AUTS2: variants seen among roughly 807,000 people sequenced by gnomAD.
AUTS2 encodes the protein autism susceptibility gene 2 protein.
In AUTS2, 17 loss-of-function variants were observed where a neutral mutation model predicts 112.4. The ratio of observed to expected loss-of-function variants is 0.15; its 90% CI spans 0.10 to 0.23. AUTS2 has a LOEUF of 0.23. Ranked by LOEUF, AUTS2 falls within the 10% of genes least tolerant of loss-of-function variation. AUTS2 has a pLI of 1.00. For missense variants in AUTS2, 1,510 were observed against 1,701.6 expected (o/e 0.89, Z 1.98); for synonymous variants, 751 against 702.7 (o/e 1.07, Z -1.09).
intron 5 of AUTS2, among the ~76,000 whole-genome samples, chr7:70,601,887 A>G (rs916684695): frequency 2.6e-5 from 4 of 152,144 alleles, no homozygotes; most frequent in Non-Finnish European, 5.9e-5. Context: ...GTGTTTGTAA[A>G]GACTGATTAT....
intron 5 of AUTS2, among the ~76,000 whole-genome samples, chr7:70,576,207 A>C (rs1369982685): frequency 6.6e-6 from 1 of 152,152 alleles, no homozygotes; most frequent in Non-Finnish European, 1.5e-5. Flanking sequence ...AGTGAGCCTC[A>C]GTTTCCCCTC....
At chr7:69,930,519 C>CATTAGTTACTT (rs148584691) in intron 2 of AUTS2, among the ~76,000 whole-genome samples, 12,675 of 152,154 alleles carry the variant, frequency 0.083, 600 homozygotes, top group East Asian at 0.13. Context: ...AGATTACTGT[C>CATTAGTTACTT]ATTAGTTACT....
At chr7:70,606,599 G>A (rs748129677) in intron 5 of AUTS2, among the ~76,000 whole-genome samples, 3 of 152,112 alleles carry the variant, frequency 2.0e-5, no homozygotes, top group Non-Finnish European at 4.4e-5. Flanking sequence ...GGTGGCTCAC[G>A]CCTGTAATCT....
At chr7:70,117,117 G>GTTTTTTTTTTTTTTTTTTTTTTTT (rs60488343) in intron 2 of AUTS2, among the ~76,000 whole-genome samples, 1 of 73,098 alleles carries the variant, frequency 1.4e-5, no homozygotes, top group African/African-American at 5.8e-5. Context: ...TTTTTTTTTT[G>GTTTTTTTTTTTTTTTTTTTTTTTT]TTTTTTTTTG....
intron 5 of AUTS2, among the ~76,000 whole-genome samples, chr7:70,556,311 C>G (rs766795982): frequency 2.0e-5 from 3 of 152,212 alleles, no homozygotes; most frequent in Non-Finnish European, 2.9e-5. Flanking sequence ...GTCCCACCTC[C>G]AGCATTGGCA....
At chr7:69,685,970 G>C (rs2068718) in intron 1 of AUTS2, among the ~76,000 whole-genome samples, 1 of 152,018 alleles carries the variant, frequency 6.6e-6, no homozygotes, top group Non-Finnish European at 1.5e-5. Context: ...CATGAAGGCC[G>C]TGTGGGTAAG....
intron 4 of AUTS2, among the ~76,000 whole-genome samples, chr7:70,198,476 C>T (rs1223564619): frequency 2.0e-5 from 3 of 146,462 alleles, no homozygotes; most frequent in Admixed American, 6.8e-5. Context: ...CTAGAATAAC[C>T]AATACAGAGA....
At chr7:69,780,406 C>T (rs1789094660) in intron 1 of AUTS2, among the ~76,000 whole-genome samples, 1 of 152,014 alleles carries the variant, frequency 6.6e-6, no homozygotes, top group South Asian at 2.1e-4. Context: ...CTATTAAAGC[C>T]CATTGGAGTG....
At chr7:70,269,127 T>A (rs994864241) in intron 4 of AUTS2, among the ~76,000 whole-genome samples, 2 of 152,220 alleles carry the variant, frequency 1.3e-5, no homozygotes, top group African/African-American at 4.8e-5. Context: ...CTCTGTGGCA[T>A]CTTGACTACT....
intron 1 of AUTS2, among the ~76,000 whole-genome samples, chr7:69,607,349 T>C (rs925804531): frequency 2.6e-5 from 4 of 152,188 alleles, no homozygotes; most frequent in African/African-American, 4.8e-5. Context: ...TTCATATCCT[T>C]CTTCTTTCTC....
intron 4 of AUTS2, among the ~76,000 whole-genome samples, chr7:70,310,683 A>G (rs1352198128): frequency 6.6e-6 from 1 of 152,014 alleles, no homozygotes; most frequent in Non-Finnish European, 1.5e-5. Context: ...GATGGACCAT[A>G]AGACCTTTGC....
At chr7:70,233,715 T>C (rs1245111238) in intron 4 of AUTS2, among the ~76,000 whole-genome samples, 1 of 152,234 alleles carries the variant, frequency 6.6e-6, no homozygotes, top group Non-Finnish European at 1.5e-5. Context: ...GATGCTAACA[T>C]TATCCCCGTA....
chr7:70,785,628 T>C (rs1791399521), intron 16 of AUTS2, among the ~76,000 whole-genome samples: 1 of 152,188 alleles, frequency 6.6e-6, no homozygotes, highest in African/African-American at 2.4e-5. Flanking sequence ...TCTGTTAGAA[T>C]CTGCAGAGTG....
At chr7:69,674,745 G>A (rs1289234551) in intron 1 of AUTS2, among the ~76,000 whole-genome samples, 1 of 152,082 alleles carries the variant, frequency 6.6e-6, no homozygotes. Flanking sequence ...TGTGTGGTGA[G>A]GATGAACTGT....
chr7:70,660,515 A>C (rs1410667489), intron 5 of AUTS2, among the ~76,000 whole-genome samples: 1 of 152,238 alleles, frequency 6.6e-6, no homozygotes. Flanking sequence ...AGGCCTGCAG[A>C]TGGCAAGACC....
intron 5 of AUTS2, among the ~76,000 whole-genome samples, chr7:70,505,652 C>T (rs1375830404): frequency 6.6e-6 from 1 of 152,154 alleles, no homozygotes; most frequent in Non-Finnish European, 1.5e-5. Context: ...GCACGTGGCT[C>T]CTGTGAACCG....
At chr7:69,770,675 T>G (rs572718025) in intron 1 of AUTS2, among the ~76,000 whole-genome samples, 1 of 152,276 alleles carries the variant, frequency 6.6e-6, no homozygotes, top group South Asian at 2.1e-4. Context: ...TCGGAGATAG[T>G]GTGCTTTATA....
At chr7:69,732,598 T>C (rs1269795889) in intron 1 of AUTS2, among the ~76,000 whole-genome samples, 2 of 152,158 alleles carry the variant, frequency 1.3e-5, no homozygotes, top group African/African-American at 4.8e-5. Flanking sequence ...TCATAAATGA[T>C]AGTGCAAAGT....
intron 2 of AUTS2, among the ~76,000 whole-genome samples, chr7:69,919,490 G>A (rs942425110): frequency 6.6e-6 from 1 of 152,168 alleles, no homozygotes; most frequent in African/African-American, 2.4e-5. Context: ...AAGGAAGGGG[G>A]CAGTTTTATT....
Sources: allele counts gnomAD v4.1 joint callset (sites outside exome capture counted in the v4.1 genomes callset), GRCh38; gene constraint gnomAD v4.1.1; transcripts MANE v1.5; gene names NCBI Gene and HGNC (gene_info 2026-07-23, HGNC 2026-07-21).